MEMO1: variants seen among roughly 807,000 people sequenced by gnomAD.
MEMO1 encodes protein MEMO1.
Under a neutral mutation model 45.2 loss-of-function variants are expected in MEMO1, and 6 were observed. The ratio of observed to expected loss-of-function variants is 0.13; its 90% CI spans 0.07 to 0.26. The LOEUF (loss-of-function observed/expected upper bound fraction) is 0.26. Ranked by LOEUF, MEMO1 falls within the 10% of genes least tolerant of loss-of-function variation. MEMO1 has a pLI of 1.00. For missense variants in MEMO1, 184 were observed against 370.5 expected (o/e 0.50, Z 4.13); for synonymous variants, 78 against 124.3 (o/e 0.63, Z 2.48).
At chr2:31,986,332 C>T (rs573572898) in intron 2 of MEMO1, among the ~76,000 whole-genome samples, 38 of 151,998 alleles carry the variant, frequency 2.5e-4, no homozygotes, top group African/African-American at 8.0e-4. Context: ...ATTAACCAGG[C>T]GTGGTGGCGG....
chr2:31,990,032 G>A (rs527849489), intron 2 of MEMO1, among the ~76,000 whole-genome samples: 42 of 152,282 alleles, frequency 2.8e-4, no homozygotes, highest in African/African-American at 8.9e-4. Flanking sequence ...AGGAAGGATC[G>A]CTTGAGCCCA....
At chr2:31,900,920 TATC>T (rs765153139) in intron 6 of MEMO1, among the ~76,000 whole-genome samples, 1 of 152,194 alleles carries the variant, frequency 6.6e-6, no homozygotes, top group Non-Finnish European at 1.5e-5. Flanking sequence ...AATATAGGCT[TATC>T]ATATGACCCA....
At chr2:31,891,096 C>T (rs1676907936) in intron 7 of MEMO1, among the ~76,000 whole-genome samples, 1 of 152,024 alleles carries the variant, frequency 6.6e-6, no homozygotes, top group Admixed American at 6.6e-5. Context: ...GCCATGGCTC[C>T]CTATATTTCA....
At chr2:31,964,194 G>C (rs1180492730) in intron 2 of MEMO1, among the ~76,000 whole-genome samples, 1 of 151,800 alleles carries the variant, frequency 6.6e-6, no homozygotes, top group African/African-American at 2.4e-5. Flanking sequence ...ACGGTATGAG[G>C]ATGTCTGAAA....
chr2:31,906,429 T>G (rs1679755041), intron 6 of MEMO1, among the ~76,000 whole-genome samples: 1 of 152,110 alleles, frequency 6.6e-6, no homozygotes, highest in African/African-American at 2.4e-5. Context: ...GTTCAAGCGA[T>G]TCTCCTTTCT....
intron 2 of MEMO1, among the ~76,000 whole-genome samples, chr2:31,982,777 T>G (rs1213775883): frequency 6.6e-6 from 1 of 152,088 alleles, no homozygotes; most frequent in Non-Finnish European, 1.5e-5. Context: ...CTGCTTTTCA[T>G]GTATACTGGC....
At chr2:31,876,404 C>A (rs1321532723) in intron 8 of MEMO1, among the ~76,000 whole-genome samples, 1 of 152,142 alleles carries the variant, frequency 6.6e-6, no homozygotes, top group Non-Finnish European at 1.5e-5. Context: ...CCATCATTTA[C>A]CTTTTTAGGT....
chr2:31,990,143 T>G (rs974594939), intron 2 of MEMO1, among the ~76,000 whole-genome samples: 2 of 152,076 alleles, frequency 1.3e-5, no homozygotes, highest in African/African-American at 4.8e-5. Flanking sequence ...TACTCCTCCC[T>G]CTTCCAAATT....
chr2:31,871,518 CAT>C (rs34717368), intron 8 of MEMO1, among the ~76,000 whole-genome samples: 47,702 of 118,456 alleles, frequency 0.4, 7,676 homozygotes, highest in East Asian at 0.61. Flanking sequence ...CACACACACA[CAT>C]ATATATATAT....
At chr2:32,004,652 G>A (rs759796161) in intron 2 of MEMO1, among the ~76,000 whole-genome samples, 2 of 152,146 alleles carry the variant, frequency 1.3e-5, no homozygotes, top group Non-Finnish European at 2.9e-5. Context: ...GCCGGGCACA[G>A]TGGCTCACAC....
chr2:31,877,832 T>C (rs1217860803), intron 8 of MEMO1, among the ~76,000 whole-genome samples: 1 of 152,172 alleles, frequency 6.6e-6, no homozygotes, highest in Non-Finnish European at 1.5e-5. Context: ...TTATTTCCTT[T>C]ACATGTTACA....
chr2:31,923,720 G>A, intron 4 of MEMO1: 6 of 1,544,950 alleles, frequency 3.9e-6, no homozygotes, highest in Non-Finnish European at 5.2e-6. Context: ...TAACATCAGA[G>A]CACTCCTGGA....
At chr2:32,000,787 C>A (rs1430815409) in intron 2 of MEMO1, among the ~76,000 whole-genome samples, 1 of 146,194 alleles carries the variant, frequency 6.8e-6, no homozygotes, top group Non-Finnish European at 1.5e-5. Context: ...TAGCATACCA[C>A]ATATTTTTTT....
At chr2:32,001,108 G>A (rs1286403884) in intron 2 of MEMO1, among the ~76,000 whole-genome samples, 1 of 139,730 alleles carries the variant, frequency 7.2e-6, no homozygotes, top group African/African-American at 2.7e-5. Context: ...GCGCAATCTC[G>A]GCTCACTGCA....
chr2:31,895,972 T>C (rs1002216339), intron 6 of MEMO1, among the ~76,000 whole-genome samples: 4 of 149,498 alleles, frequency 2.7e-5, no homozygotes, highest in Non-Finnish European at 5.9e-5. Context: ...GCCTCCCGAG[T>C]AGCTGGGACT....
intron 2 of MEMO1, among the ~76,000 whole-genome samples, chr2:31,944,151 A>G (rs1232394764): frequency 6.6e-6 from 1 of 152,206 alleles, no homozygotes; most frequent in Non-Finnish European, 1.5e-5. Context: ...TTACCTGAAT[A>G]GCTGAATGAG....
At chr2:31,891,539 A>T (rs1676981743) in intron 7 of MEMO1, among the ~76,000 whole-genome samples, 1 of 152,068 alleles carries the variant, frequency 6.6e-6, no homozygotes, top group African/African-American at 2.4e-5. Context: ...TTGTGAGTAA[A>T]AACTAAGCAC....
intron 2 of MEMO1, among the ~76,000 whole-genome samples, chr2:31,972,147 T>C (rs758742404): frequency 1.6e-4 from 25 of 152,270 alleles, no homozygotes; most frequent in Non-Finnish European, 5.9e-5. Flanking sequence ...TCTCAAATGT[T>C]TCTATAACTG....
intron 2 of MEMO1, among the ~76,000 whole-genome samples, chr2:31,981,088 GAGA>G (rs1461447789): frequency 3.3e-5 from 5 of 152,170 alleles, no homozygotes; most frequent in African/African-American, 1.2e-4. Context: ...CAAAATAGTA[GAGA>G]AGAAGTGTTT....
Sources: gnomAD v4.1 joint callset for allele counts (sites outside exome capture counted in the v4.1 genomes callset) on GRCh38, gnomAD v4.1.1 for gene constraint, MANE v1.5 for transcripts, NCBI Gene and HGNC (gene_info 2026-07-23, HGNC 2026-07-21) for gene names.